Variants in FCRL2 observed in about 807,000 individuals in gnomAD.
FCRL2 encodes the protein Fc receptor like 2, also known as Fc receptor-like protein 2.
In FCRL2, 48 loss-of-function variants were observed where a neutral mutation model predicts 59.8. The ratio of observed to expected loss-of-function variants is 0.80; its 90% CI spans 0.64 to 1.02. The LOEUF (loss-of-function observed/expected upper bound fraction) is 1.02, where lower values mean the gene tolerates loss of function less well. Among genes scored for constraint, FCRL2 ranks in the 50% least tolerant of loss-of-function variants. The pLI is 0.00. For synonymous variants in FCRL2, 251 were observed against 229.5 expected, an observed-to-expected ratio of 1.09 and a Z score of -0.85; for missense variants, 658 against 597.3, an observed-to-expected ratio of 1.10 and a Z score of -1.06.
rs1384363014 is a variant in FCRL2, at chr1:157,766,871, C to A, written c.1263G>T (p.Leu421Phe). ...AGATACAACCTGATATCTTGTGGAA[C>A]AAGGCATACAACAGCAAAGCAACAC... Reference protein sequence around the residue: ...FTGVALLLYALFHKISGESSA... With the variant: ...FTGVALLLYAFFHKISGESSA... The change falls in exon 7 of 12, where the codon TTG becomes TTT. Residue 421 changes from leucine to phenylalanine, a missense_variant. Physicochemically the swap from Leu to Phe is conservative, Grantham distance 22. Transcript: ENST00000361516. 1 of 1,613,972 alleles carries A rather than the reference C, an allele frequency of 6.2e-7. No homozygotes were observed. The highest frequency in any genetic ancestry group is 1.3e-5 in the African/African-American group (1 of 74,890).
chr1:157,755,874 G>T (rs1358293090), intron 7 of FCRL2, among the ~76,000 whole-genome samples: 2 of 152,216 alleles, frequency 1.3e-5, no homozygotes, highest in Non-Finnish European at 2.9e-5. Context: ...AAGAGTGGGA[G>T]CCTCTGAGGA....
rs1277953488 is a variant in FCRL2, at chr1:157,766,959, T to C, written c.1175A>G (p.Tyr392Cys). ...VPVSISGPDG[Y>C]RRDLMTAGVL... The stretch of plus-strand genomic sequence containing the variant: ...TCCAGCTGTCATGAGGTCTCTTCTA[T>C]AGCCATCAGGTCCTGAGGAAAGAAA... The change falls in exon 7 of 12, where the codon TAT becomes TGT. Residue 392 changes from tyrosine (Y) to cysteine (C), a missense_variant. By Grantham distance (194) the Tyr-to-Cys change is radical (BLOSUM62 -2). Transcript: ENST00000361516. 8 of 1,613,516 alleles carry C rather than the reference T, an allele frequency of 5.0e-6. No homozygotes were observed. Among genetic ancestry groups the C allele is most frequent in the Admixed American group, 1.7e-5 (1 of 59,900 alleles).
intron 8 of FCRL2, among the ~76,000 whole-genome samples, chr1:157,749,232 T>C (rs2101665516): frequency 6.6e-6 from 1 of 152,318 alleles, no homozygotes; most frequent in Admixed American, 6.5e-5. Context: ...GCCTGCCTTT[T>C]TCTCATTACT....
intron 1 of FCRL2, 78 bp downstream of exon 1, chr1:157,776,965 A>G (rs556697321): frequency 3.5e-6 from 5 of 1,436,610 alleles, no homozygotes; most frequent in East Asian, 2.3e-5. Flanking sequence ...CTGGGCTCCA[A>G]TAAAACCTCC....
chr1:157,760,901 C>G (rs1258627409), intron 7 of FCRL2, among the ~76,000 whole-genome samples: 1 of 152,090 alleles, frequency 6.6e-6, no homozygotes, highest in African/African-American at 2.4e-5. Context: ...GCAAGACAAC[C>G]AATTTACCTA....
chr1:157,756,414 G>A (rs926120209), intron 7 of FCRL2, among the ~76,000 whole-genome samples: 1 of 152,176 alleles, frequency 6.6e-6, no homozygotes, highest in African/African-American at 2.4e-5. Context: ...CAGGCATGGT[G>A]ACTCATGCCT....
chr1:157,774,887 A>G (rs752747306), intron 2 of FCRL2, among the ~76,000 whole-genome samples: 13 of 152,176 alleles, frequency 8.5e-5, no homozygotes, highest in Non-Finnish European at 1.9e-4. Flanking sequence ...GGTAGCCAGC[A>G]TTCAATGGGC....
chr1:157,753,562 C>T (rs1648358131), intron 7 of FCRL2, among the ~76,000 whole-genome samples: 1 of 152,196 alleles, frequency 6.6e-6, no homozygotes, highest in African/African-American at 2.4e-5. Context: ...GTGCTCTACC[C>T]TCCCAGTACA....
Position 157,746,658 on chromosome 1 carries a change from AT to A in FCRL2, c.*77del. On this transcript the variant is annotated 3_prime_UTR_variant, in exon 12 of 12. Transcript: ENST00000361516. ...CTGTGGCAGGTGATAAGCCTCAAGCATTTTCATAAGGTTTTATAGCAAGTCT... is the reference window on the plus strand; with the variant it reads ...CTGTGGCAGGTGATAAGCCTCAAGCATTTCATAAGGTTTTATAGCAAGTCT... The A allele has an allele frequency of 6.7e-7, 1 of 1,482,126 alleles. No homozygotes were observed. The highest frequency in any genetic ancestry group is 2.3e-5 in the East Asian group (1 of 43,944). The allele number at this position is 1,482,126 out of a possible 1,614,324, so 91.8% of individuals were successfully genotyped here. A position where few individuals can be genotyped will look rare whatever the true frequency, so the allele number is the denominator to read the frequency against.
rs745793091 is a variant in FCRL2 at position 157,770,526 on chromosome 1, A to G, written c.193T>C (p.Ser65Pro). 31 of 1,614,148 alleles carry G rather than the reference A, an allele frequency of 1.9e-5. No individual in the cohort carries two copies. Among genetic ancestry groups the G allele is most frequent in the Middle Eastern group, 3.3e-4 (2 of 6,084 alleles). ...ACTGCACTTTGGATAAGGAAATCTG[A>G]GAATTTTTTGAAAACAGATAACTCT... ...NKELSVFKKF[S>P]DFLIQSAVLS... The change falls in exon 3 of 12, where the codon TCA (serine) becomes CCA (proline). Residue 65 changes from serine to proline, a missense_variant. Transcript: ENST00000361516.
intron 8 of FCRL2, 54 bp from the exon 9 acceptor site, chr1:157,749,014 A>T: frequency 6.7e-7 from 1 of 1,494,534 alleles, no homozygotes; most frequent in Non-Finnish European, 9.3e-7. Flanking sequence ...GAGTGAGAAC[A>T]GAGGGGAGAC....
chr1:157,749,589 T>C, intron 8 of FCRL2, 61 bp downstream of exon 8: 1 of 1,149,664 alleles, frequency 8.7e-7, no homozygotes, highest in Non-Finnish European at 1.3e-6. Context: ...GTACAGTAGG[T>C]ATTTAAAACT....
intron 5 of FCRL2, chr1:157,768,031 G>A (rs1649660515): frequency 8.5e-6 from 2 of 234,588 alleles, no homozygotes; most frequent in Non-Finnish European, 8.2e-6. Flanking sequence ...CCCTTTGGGT[G>A]CAGTTTCGGC....
chr1:157,762,891 A>G (rs1649208758), intron 7 of FCRL2, among the ~76,000 whole-genome samples: 1 of 152,216 alleles, frequency 6.6e-6, no homozygotes. Flanking sequence ...GATAAGCAAA[A>G]GCTGATACAG....
At chr1:157,767,683 T>G (rs777453626) in intron 5 of FCRL2, 174 bp from the exon 6 acceptor site, 4 of 1,574,170 alleles carry the variant, frequency 2.5e-6, no homozygotes, top group South Asian at 2.4e-5. Flanking sequence ...ATTTAGACGT[T>G]TGAGGGGAAT....
chr1:157,756,645 C>T (rs1648610716), intron 7 of FCRL2, among the ~76,000 whole-genome samples: 1 of 148,856 alleles, frequency 6.7e-6, no homozygotes, highest in African/African-American at 2.5e-5. Context: ...TACCACTGCA[C>T]TCTGGCCTGA....
chr1:157,771,079 G>T (rs561781406), intron 2 of FCRL2, among the ~76,000 whole-genome samples: 14 of 152,192 alleles, frequency 9.2e-5, no homozygotes, highest in East Asian at 1.9e-4. Context: ...ATTCATGAGG[G>T]TTCCACCGTC....
At chr1:157,765,025 C>G (rs1412031093) in intron 7 of FCRL2, among the ~76,000 whole-genome samples, 1 of 151,952 alleles carries the variant, frequency 6.6e-6, no homozygotes, top group Non-Finnish European at 1.5e-5. Flanking sequence ...ATCAATAAAA[C>G]AAAAGCTGGT....
In FCRL2 at chr1:157,770,671, A is replaced by T; in HGVS notation, c.53-5T>A. 1 of 1,613,846 alleles carries T rather than the reference A, an allele frequency of 6.2e-7. No homozygotes were observed. The highest frequency in any genetic ancestry group is 1.1e-5 in the South Asian group (1 of 91,014). On this transcript the variant is annotated splice_region_variant and splice_polypyrimidine_tract_variant and intron_variant, in intron 2 of 11. Transcript: ENST00000361516. ...GCGCCACAAGGGTCAGCGAATCTGG[A>T]AGAGAAGGAGGGAAACCGGATTTGC...
Sources: gnomAD v4.1 joint callset for allele counts (sites outside exome capture counted in the v4.1 genomes callset) on GRCh38, gnomAD v4.1.1 for gene constraint, MANE v1.5 for transcripts, NCBI Gene and HGNC (gene_info 2026-07-23, HGNC 2026-07-21) for gene names.